TMTC2: variants seen among roughly 807,000 people sequenced by gnomAD.
TMTC2 encodes transmembrane O-mannosyltransferase targeting cadherins 2.
In TMTC2, 43 loss-of-function variants were observed where a neutral mutation model predicts 82.4. The observed-to-expected ratio is 0.52, with a 90% CI of 0.41 to 0.67. TMTC2 has a LOEUF of 0.67. Among genes scored for constraint, TMTC2 ranks in the 30% least tolerant of loss-of-function variants. The probability of loss-of-function intolerance (pLI) is 0.00; values close to 1 mark genes in which losing one functional copy is unlikely to be tolerated. For synonymous variants in TMTC2, 408 were observed against 381.9 expected (o/e 1.07, Z -0.80); for missense variants, 919 against 1,012.4 (o/e 0.91, Z 1.25).
intron 4 of TMTC2, among the ~76,000 whole-genome samples, chr12:82,942,456 T>C (rs1876774418): frequency 6.6e-6 from 1 of 152,198 alleles, no homozygotes; most frequent in Non-Finnish European, 1.5e-5. Context: ...GTTTTTCAAT[T>C]ATAATTTGTA....
intron 1 of TMTC2, among the ~76,000 whole-genome samples, chr12:82,691,273 C>A (rs1470517052): frequency 6.6e-6 from 1 of 152,144 alleles, no homozygotes; most frequent in African/African-American, 2.4e-5. Flanking sequence ...TTGTTAAACT[C>A]AACCAGAATC....
chr12:83,124,074 C>T (rs143292121), intron 11 of TMTC2, among the ~76,000 whole-genome samples: 1 of 152,256 alleles, frequency 6.6e-6, no homozygotes, highest in Non-Finnish European at 1.5e-5. Context: ...AACAGTTTCA[C>T]CTCCCTCTTT....
intron 3 of TMTC2, among the ~76,000 whole-genome samples, chr12:82,906,620 C>T (rs1014520432): frequency 3.0e-4 from 46 of 152,032 alleles, no homozygotes; most frequent in African/African-American, 9.2e-4. Context: ...ACCCAGGAGG[C>T]GGAGGCTGCA....
At position 83,133,439 on chromosome 12, in the gene TMTC2, C is replaced by G. The variant is rs1274806936; in HGVS notation, c.*1050C>G. ...ATGTTAATCACTTTCTAATGGGTAC[C>G]TAAACAGCAATGCTGATAAATGTTC... On this transcript the variant is annotated 3_prime_UTR_variant, in exon 12 of 12. Coordinates refer to ENST00000321196, the MANE Select transcript of TMTC2 (RefSeq NM_152588.3). 4 of 152,100 alleles carry G rather than the reference C, an allele frequency of 2.6e-5. No homozygotes were observed. The highest frequency in any genetic ancestry group is 7.2e-5 in the African/African-American group (3 of 41,408). The allele number at this position is 152,100 out of a possible 1,614,324, so 9.4% of individuals were successfully genotyped here. A position where few individuals can be genotyped will look rare whatever the true frequency, so the allele number is the denominator to read the frequency against.
intron 9 of TMTC2, among the ~76,000 whole-genome samples, chr12:83,035,309 A>T (rs1881618047): frequency 6.6e-6 from 1 of 152,170 alleles, no homozygotes; most frequent in African/African-American, 2.4e-5. Context: ...TTGCCTTTTT[A>T]AAATTTTTTT....
At chr12:82,777,218 AG>A (rs1460074872) in intron 1 of TMTC2, among the ~76,000 whole-genome samples, 1 of 152,118 alleles carries the variant, frequency 6.6e-6, no homozygotes, top group Non-Finnish European at 1.5e-5. Context: ...TTAGAGTGAA[AG>A]GGGGCAGATT....
chr12:82,781,390 G>C (rs990350874), intron 1 of TMTC2, among the ~76,000 whole-genome samples: 3 of 142,156 alleles, frequency 2.1e-5, no homozygotes, highest in African/African-American at 8.0e-5. Context: ...TATGTGTGTG[G>C]AGTTTGCTCT....
At chr12:82,904,141 G>A (rs75803921) in intron 3 of TMTC2, among the ~76,000 whole-genome samples, 2,596 of 152,222 alleles carry the variant, frequency 0.017, 76 homozygotes, top group African/African-American at 0.059. Context: ...CCTTAAGGCA[G>A]ATTTTCTTAG....
chr12:82,865,805 A>G (rs1871817363), intron 2 of TMTC2, among the ~76,000 whole-genome samples: 1 of 152,184 alleles, frequency 6.6e-6, no homozygotes, highest in Non-Finnish European at 1.5e-5. Flanking sequence ...AATTATAACA[A>G]ACTGTCTCTC....
At chr12:82,875,535 T>C (rs996025895) in intron 2 of TMTC2, among the ~76,000 whole-genome samples, 4 of 152,150 alleles carry the variant, frequency 2.6e-5, no homozygotes, top group African/African-American at 4.8e-5. Flanking sequence ...GATCCCACTT[T>C]GTGTCAGTGA....
intron 11 of TMTC2, among the ~76,000 whole-genome samples, chr12:83,065,516 T>G (rs2137479162): frequency 6.6e-6 from 1 of 152,096 alleles, no homozygotes; most frequent in Non-Finnish European, 1.5e-5. Flanking sequence ...TTTAAAATTT[T>G]ATTTACTTGA....
chr12:82,690,885 ACT>A (rs1184202203), intron 1 of TMTC2, among the ~76,000 whole-genome samples: 3 of 151,952 alleles, frequency 2.0e-5, no homozygotes, highest in Non-Finnish European at 4.4e-5. Flanking sequence ...CTGACCCAAA[ACT>A]CTCTGCATTC....
chr12:83,066,292 T>C (rs1882912921), intron 11 of TMTC2, among the ~76,000 whole-genome samples: 1 of 151,638 alleles, frequency 6.6e-6, no homozygotes, highest in Non-Finnish European at 1.5e-5. Flanking sequence ...TAAAAGAAGG[T>C]TGAAATGATA....
At chr12:83,106,701 T>A (rs545325625) in intron 11 of TMTC2, among the ~76,000 whole-genome samples, 5 of 152,216 alleles carry the variant, frequency 3.3e-5, no homozygotes, top group Admixed American at 3.3e-4. Flanking sequence ...AAGAGCACAT[T>A]AAATGCACAA....
Position 82,687,356 on chromosome 12 carries a change from G to A in TMTC2, c.-231G>A. The A allele has an allele frequency of 3.5e-6, 2 of 575,494 alleles. No homozygotes were observed. Among genetic ancestry groups the A allele is most frequent in the Non-Finnish European group, 6.2e-6 (2 of 321,392 alleles). The allele number at this position is 575,494 out of a possible 1,614,324, so 35.6% of individuals were successfully genotyped here. A position where few individuals can be genotyped will look rare whatever the true frequency, so the allele number is the denominator to read the frequency against. ...ACCGCTTGCGGGCGCCGGGCATGGG[G>A]AGTGTGGTGTGAGCCCGCACCCGGG... On this transcript the variant is annotated 5_prime_UTR_variant, in exon 1 of 12. Coordinates refer to ENST00000321196, the MANE Select transcript of TMTC2 (RefSeq NM_152588.3).
intron 4 of TMTC2, among the ~76,000 whole-genome samples, chr12:82,950,675 T>A (rs1056963568): frequency 6.6e-6 from 1 of 152,238 alleles, no homozygotes; most frequent in Admixed American, 6.5e-5. Flanking sequence ...TAGTCCATGT[T>A]CAATCTCAGG....
intron 4 of TMTC2, among the ~76,000 whole-genome samples, chr12:82,936,978 C>A (rs1313148020): frequency 6.6e-6 from 1 of 152,040 alleles, no homozygotes; most frequent in African/African-American, 2.4e-5. Context: ...ATTAGGATAA[C>A]CACATTCTTT....
chr12:83,132,320 C>A lies in TMTC2; in HGVS notation c.2442C>A (p.Ile814=). The change falls in exon 12 of 12, where the codon ATC becomes ATA. Residue 814 remains isoleucine, a synonymous_variant. Transcript: ENST00000321196. ...RALQLKPDDV[I]TQSNLRKLWN... Reference sequence around the variant, plus strand: ...TGCAGCTCAAGCCAGACGATGTCATCACACAGTCCAATCTCCGCAAACTGT... The same window carrying A: ...TGCAGCTCAAGCCAGACGATGTCATAACACAGTCCAATCTCCGCAAACTGT... 6.2e-7 allele frequency: 1 copy of A among 1,614,112 alleles called. No individual in the cohort carries two copies. The highest frequency in any genetic ancestry group is 8.5e-7 in the Non-Finnish European group (1 of 1,180,008).
chr12:82,765,214 G>T (rs1440019780), intron 1 of TMTC2, among the ~76,000 whole-genome samples: 3 of 152,026 alleles, frequency 2.0e-5, no homozygotes, highest in Admixed American at 2.0e-4. Context: ...GAGTTTGGGG[G>T]TCCCAAGATT....
Sources: gnomAD v4.1 joint callset for allele counts (sites outside exome capture counted in the v4.1 genomes callset) on GRCh38, gnomAD v4.1.1 for gene constraint, MANE v1.5 for transcripts, NCBI Gene and HGNC (gene_info 2026-07-23, HGNC 2026-07-21) for gene names.